Variants in ASPRV1 observed in about 807,000 individuals in gnomAD.
The protein encoded by ASPRV1 is aspartic peptidase retroviral like 1.
In ASPRV1, 7 loss-of-function variants were observed where a neutral mutation model predicts 11.0. The observed-to-expected ratio is 0.64, with a 90% CI of 0.36 to 1.20. ASPRV1 has a LOEUF of 1.20. ASPRV1 is among the 50% of genes most tolerant of loss of function. The pLI is 0.02. For synonymous variants in ASPRV1, 136 were observed against 138.4 expected (o/e 0.98, Z 0.12); for missense variants, 299 against 320.0 (o/e 0.93, Z 0.50).
At chr2:70,018,919 A>G in the ASPRV1 span, 1 of 152,240 alleles carries the variant, frequency 6.6e-6, no homozygotes, top group African/African-American at 2.4e-5. Flanking sequence ...ATAGGATTAC[A>G]TCAAACTGAA....
chr2:70,001,549 G>A, the ASPRV1 span, among the ~76,000 whole-genome samples: 1 of 152,150 alleles, frequency 6.6e-6, no homozygotes, highest in Admixed American at 6.5e-5. Context: ...TCTGAGGTCA[G>A]GAGTTCAAGA....
chr2:70,016,594 C>A, the ASPRV1 span, among the ~76,000 whole-genome samples: 7 of 152,266 alleles, frequency 4.6e-5, no homozygotes, highest in African/African-American at 1.7e-4. Context: ...TGTCTGTAAT[C>A]CCAGCACTTT....
At chr2:69,967,670 G>C in the ASPRV1 span, among the ~76,000 whole-genome samples, 17 of 152,328 alleles carry the variant, frequency 1.1e-4, no homozygotes, top group East Asian at 3.1e-3. Context: ...TGGGGTAGTA[G>C]AATCATGAAT....
chr2:69,974,707 C>T, the ASPRV1 span, among the ~76,000 whole-genome samples: 2 of 152,236 alleles, frequency 1.3e-5, no homozygotes, highest in Non-Finnish European at 2.9e-5. Flanking sequence ...GAGGGCTTCG[C>T]CATTCACCCT....
the ASPRV1 span, chr2:70,050,920 A>C: frequency 6.6e-6 from 1 of 152,102 alleles, no homozygotes; most frequent in Non-Finnish European, 1.5e-5. Flanking sequence ...TCCAGCCTAG[A>C]CAACAAACCA....
the ASPRV1 span, among the ~76,000 whole-genome samples, chr2:69,937,910 A>C: frequency 6.6e-6 from 1 of 152,022 alleles, no homozygotes; most frequent in Non-Finnish European, 1.5e-5. Flanking sequence ...CACCACACCC[A>C]GCCAAATTTT....
At chr2:70,056,899 T>A in the ASPRV1 span, among the ~76,000 whole-genome samples, 1 of 151,906 alleles carries the variant, frequency 6.6e-6, no homozygotes, top group South Asian at 2.1e-4. Context: ...CTCACCCAGC[T>A]AATTTTTTTG....
At chr2:69,936,657 AAAATGAGTATTCTATGG>A in the ASPRV1 span, among the ~76,000 whole-genome samples, 1 of 152,206 alleles carries the variant, frequency 6.6e-6, no homozygotes, top group Admixed American at 6.5e-5. Context: ...CAGATTTATA[AAAATGAGTATTCTATGG>A]AAATGTGTTT....
the ASPRV1 span, among the ~76,000 whole-genome samples, chr2:69,969,843 C>T: frequency 6.6e-6 from 1 of 152,130 alleles, no homozygotes; most frequent in Non-Finnish European, 1.5e-5. Flanking sequence ...GCTCCAGTTC[C>T]ACCTTAGAGG....
the ASPRV1 span, chr2:69,996,615 A>T: frequency 2.3e-6 from 1 of 426,054 alleles, no homozygotes. Context: ...GTCTTTCATT[A>T]CTTCTATGAC....
At chr2:70,064,110 G>A in the ASPRV1 span, 1 of 152,156 alleles carries the variant, frequency 6.6e-6, no homozygotes, top group Non-Finnish European at 1.5e-5. Context: ...CAAGTGTTTT[G>A]TGTCAGGCTT....
the ASPRV1 span, chr2:70,077,373 G>A: frequency 2.0e-5 from 3 of 151,946 alleles, no homozygotes; most frequent in South Asian, 4.2e-4. Context: ...ATGTAATACA[G>A]GATAAGTACT....
chr2:69,973,440 T>C, the ASPRV1 span, among the ~76,000 whole-genome samples: 2 of 152,206 alleles, frequency 1.3e-5, no homozygotes, highest in African/African-American at 2.4e-5. Flanking sequence ...GGAATGTTCA[T>C]AGCTCACTGT....
chr2:69,951,984 T>C, the ASPRV1 span, among the ~76,000 whole-genome samples: 2 of 152,132 alleles, frequency 1.3e-5, no homozygotes, highest in African/African-American at 4.8e-5. Flanking sequence ...AAATTCATTT[T>C]CACCCACTTG....
chr2:69,959,972 C>T (rs1678026630), downstream of ASPRV1: 1 of 152,072 alleles, frequency 6.6e-6, no homozygotes, highest in Admixed American at 6.5e-5. Flanking sequence ...ACCTGTCATC[C>T]CTGTGTATAT....
At chr2:70,015,266 A>C in the ASPRV1 span, among the ~76,000 whole-genome samples, 1 of 152,242 alleles carries the variant, frequency 6.6e-6, no homozygotes, top group African/African-American at 2.4e-5. Context: ...AAACAGACTA[A>C]GTAAAAACTG....
At position 69,961,528 on chromosome 2, in the gene ASPRV1, G is replaced by T; in HGVS notation, c.-92C>A. On this transcript the variant is annotated 5_prime_UTR_variant, in exon 1 of 1. Transcript: ENST00000320256. ...CGGCGCAATCACGCTGGAAAACGGG[G>T]CCTCTCGAAGCAGAGTGGGGATGAC... 1 of 1,614,128 alleles carries T rather than the reference G, an allele frequency of 6.2e-7. No individual in the cohort carries two copies.
chr2:69,982,183 A>G, the ASPRV1 span, among the ~76,000 whole-genome samples: 2 of 151,964 alleles, frequency 1.3e-5, no homozygotes, highest in East Asian at 3.9e-4. Context: ...CTGTGATTAA[A>G]TCTCTTCTAT....
At chr2:69,968,486 T>A in the ASPRV1 span, 1 of 152,094 alleles carries the variant, frequency 6.6e-6, no homozygotes, top group Non-Finnish European at 1.5e-5. Flanking sequence ...ATTGCACCAC[T>A]GCACTCCAGC....
Sources: gnomAD v4.1 joint callset for allele counts (sites outside exome capture counted in the v4.1 genomes callset) on GRCh38, gnomAD v4.1.1 for gene constraint, MANE v1.5 for transcripts, NCBI Gene and HGNC (gene_info 2026-07-23, HGNC 2026-07-21) for gene names.